Variants in PHACTR4 observed in about 807,000 individuals in gnomAD.
PHACTR4 encodes protein phosphatase 1, regulatory subunit 124.
In PHACTR4, 51 loss-of-function variants were observed where a neutral mutation model predicts 72.7. That is an observed-to-expected ratio of 0.70 (90% CI 0.56 to 0.89). PHACTR4 has a LOEUF of 0.89. Ranked by LOEUF, PHACTR4 falls within the 40% of genes least tolerant of loss-of-function variation. PHACTR4 has a pLI of 0.00. For synonymous variants in PHACTR4, 255 were observed against 302.5 expected, an observed-to-expected ratio of 0.84 and a Z score of 1.63; for missense variants, 731 against 861.8, an observed-to-expected ratio of 0.85 and a Z score of 1.90.
chr1:28,393,541 A>G (rs1653227301), intron 1 of PHACTR4, among the ~76,000 whole-genome samples: 2 of 152,342 alleles, frequency 1.3e-5, no homozygotes, highest in South Asian at 4.1e-4. Context: ...TAATGCTGGT[A>G]GTAAACAAAC....
At position 28,499,416 on chromosome 1, in the gene PHACTR4, T is replaced by TG. The variant is rs1661543137; in HGVS notation, c.*2868dup. 6.6e-6 allele frequency: 1 copy of TG among 152,588 alleles called. No individual in the cohort carries two copies. Among genetic ancestry groups the TG allele is most frequent in the African/African-American group, 2.4e-5 (1 of 41,446 alleles). 9.5% of individuals were successfully genotyped at this position (152,588 alleles called of 1,614,324 possible). A position where few individuals can be genotyped will look rare whatever the true frequency, so the allele number is the denominator to read the frequency against. On this transcript the variant is annotated 3_prime_UTR_variant, in exon 14 of 14. Transcript: ENST00000373839. ...TCCCAAAGTGGTGGGATTACAGGCA[T>TG]GAGCCACCGTGCCGAGCCTTCCTTG...
chr1:28,395,585 A>T (rs866952500), intron 1 of PHACTR4, among the ~76,000 whole-genome samples: 1 of 151,692 alleles, frequency 6.6e-6, no homozygotes, highest in South Asian at 2.1e-4. Flanking sequence ...CTCCTCAGTA[A>T]TATGTTACAT....
chr1:28,447,825 CTCCTGACGGCT>C (rs1208865446), intron 2 of PHACTR4, among the ~76,000 whole-genome samples: 2 of 152,146 alleles, frequency 1.3e-5, no homozygotes. Context: ...TGACTATCTT[CTCCTGACGGCT>C]TTACCGAGTT....
chr1:28,453,857 A>T (rs1658163252), intron 2 of PHACTR4: 2 of 880,128 alleles, frequency 2.3e-6, no homozygotes, highest in Non-Finnish European at 3.7e-6. Context: ...GACAAAGCAT[A>T]AAAGTTGCTA....
At chr1:28,416,737 C>T (rs1274898292) in intron 2 of PHACTR4, among the ~76,000 whole-genome samples, 1 of 152,208 alleles carries the variant, frequency 6.6e-6, no homozygotes, top group Non-Finnish European at 1.5e-5. Flanking sequence ...GCACCCTGGA[C>T]AGACGATGAT....
chr1:28,385,036 GATTGA>G (rs1652453504), intron 1 of PHACTR4, among the ~76,000 whole-genome samples: 1 of 152,082 alleles, frequency 6.6e-6, no homozygotes, highest in Admixed American at 6.6e-5. Context: ...CTAGCTTTGG[GATTGA>G]TTTGCTCTTG....
chr1:28,490,891 G>A (rs556794345), intron 10 of PHACTR4, 60 bp from the exon 11 acceptor site: 16 of 1,483,494 alleles, frequency 1.1e-5, no homozygotes, highest in South Asian at 2.3e-5. Flanking sequence ...TTACTAAAAC[G>A]TTTGATATGC....
intron 1 of PHACTR4, among the ~76,000 whole-genome samples, chr1:28,394,161 G>A (rs1221794511): frequency 4.7e-4 from 71 of 151,994 alleles, no homozygotes; most frequent in Non-Finnish European, 2.9e-5. Context: ...TGTAGAAGTG[G>A]AAGACAGTGA....
At chr1:28,408,906 A>G (rs1654566824) in intron 2 of PHACTR4, among the ~76,000 whole-genome samples, 1 of 147,922 alleles carries the variant, frequency 6.8e-6, no homozygotes, top group Non-Finnish European at 1.5e-5. Context: ...TCTGGAATTC[A>G]TAGGCTCAAG....
At chr1:28,436,970 ATTTCGTT>A (rs1656675551) in intron 2 of PHACTR4, among the ~76,000 whole-genome samples, 2 of 152,078 alleles carry the variant, frequency 1.3e-5, no homozygotes, top group African/African-American at 4.8e-5. Context: ...CCAAATATTT[ATTTCGTT>A]TATTGTTTTA....
At chr1:28,408,403 CA>C (rs1654518044) in intron 2 of PHACTR4, among the ~76,000 whole-genome samples, 1 of 151,916 alleles carries the variant, frequency 6.6e-6, no homozygotes, top group African/African-American at 2.4e-5. Context: ...ACTAAAAATA[CA>C]AAAATTAGCT....
intron 1 of PHACTR4, among the ~76,000 whole-genome samples, chr1:28,371,217 A>G (rs1413099619): frequency 6.6e-6 from 1 of 152,228 alleles, no homozygotes; most frequent in African/African-American, 2.4e-5. Context: ...GGCTTAAGCC[A>G]TCCTTCCACC....
At chr1:28,389,023 C>T (rs1652795290) in intron 1 of PHACTR4, among the ~76,000 whole-genome samples, 1 of 152,048 alleles carries the variant, frequency 6.6e-6, no homozygotes, top group Non-Finnish European at 1.5e-5. Context: ...AAGGGGATTA[C>T]ATCAAACTCA....
chr1:28,404,795 G>A (rs7531648), intron 1 of PHACTR4, among the ~76,000 whole-genome samples: 58,655 of 151,942 alleles, frequency 0.39, 13,014 homozygotes, highest in African/African-American at 0.6. Context: ...CAGGTTACAC[G>A]TACACTTGCA....
intron 1 of PHACTR4, among the ~76,000 whole-genome samples, chr1:28,389,077 C>T (rs868690487): frequency 2.6e-5 from 4 of 151,950 alleles, no homozygotes; most frequent in Non-Finnish European, 5.9e-5. Context: ...GAAGAGACAA[C>T]GTATAGAATG....
chr1:28,384,093 A>G (rs1349416244), intron 1 of PHACTR4, among the ~76,000 whole-genome samples: 2 of 152,086 alleles, frequency 1.3e-5, no homozygotes, highest in Non-Finnish European at 2.9e-5. Context: ...TTGCATTGAT[A>G]TTCATCAAGA....
At chr1:28,475,076 A>G (rs1659838914) in intron 7 of PHACTR4, among the ~76,000 whole-genome samples, 1 of 151,580 alleles carries the variant, frequency 6.6e-6, no homozygotes, top group South Asian at 2.1e-4. Context: ...CAGCCTCCCG[A>G]GTAACTGTGA....
chr1:28,473,205 G>A lies in PHACTR4; in HGVS notation c.824-349G>A, dbSNP rs1235897552. On this transcript the variant is annotated intron_variant, in intron 6 of 13. Transcript: ENST00000373839. ...GCAGGAGTATCGCTTGAGCCCGGGAGGCAGAGGTTGCGGTAAGCCAAGATC... is the reference window on the plus strand; with the variant it reads ...GCAGGAGTATCGCTTGAGCCCGGGAAGCAGAGGTTGCGGTAAGCCAAGATC... 2.0e-5 allele frequency among the ~76,000 whole-genome samples: 3 copies of A among 151,114 alleles called. 1 individual carries two copies. Among genetic ancestry groups the A allele is most frequent in the Non-Finnish European group, 4.4e-5 (3 of 67,906 alleles).
At chr1:28,390,597 C>G (rs1165348495) in intron 1 of PHACTR4, among the ~76,000 whole-genome samples, 1 of 151,962 alleles carries the variant, frequency 6.6e-6, no homozygotes, top group African/African-American at 2.4e-5. Context: ...TGAGACCAGC[C>G]TGGCCAACAT....
Sources: gnomAD v4.1 joint callset for allele counts (sites outside exome capture counted in the v4.1 genomes callset) on GRCh38, gnomAD v4.1.1 for gene constraint, MANE v1.5 for transcripts, NCBI Gene and HGNC (gene_info 2026-07-23, HGNC 2026-07-21) for gene names.